The following TBC1D12 variants were observed in gnomAD, a reference collection of about 807,000 sequenced individuals.
TBC1D12 encodes the protein TBC1 domain family member 12.
TBC1D12 carries 56 observed loss-of-function variants against 86.7 expected under a neutral mutation model. The observed-to-expected ratio is 0.65, with a 90% CI of 0.52 to 0.81. TBC1D12 has a LOEUF of 0.81. TBC1D12 is among the 30% of genes least tolerant of loss of function. The pLI is 0.00. For missense variants in TBC1D12, 1,023 were observed against 1,038.8 expected (o/e 0.98, Z 0.21); for synonymous variants, 421 against 411.7 (o/e 1.02, Z -0.27).
chr10:94,522,313 T>G, intron 10 of TBC1D12, 31 bp from the exon 11 acceptor site: 1 of 1,232,810 alleles, frequency 8.1e-7, no homozygotes, highest in South Asian at 1.5e-5. Context: ...ACTATATACT[T>G]TCATAATTTT....
chr10:94,507,189 TA>T, intron 6 of TBC1D12, 77 bp from the exon 7 acceptor site: 1 of 1,419,286 alleles, frequency 7.0e-7, no homozygotes, highest in Non-Finnish European at 9.7e-7. Flanking sequence ...CTGTAATAGG[TA>T]AAGAGTAAAA....
chr10:94,527,449 T>G (rs1280990490), intron 11 of TBC1D12, among the ~76,000 whole-genome samples: 1 of 151,756 alleles, frequency 6.6e-6, no homozygotes, highest in Non-Finnish European at 1.5e-5. Flanking sequence ...TTTTGCCTAT[T>G]AATTTCCTGT....
At chr10:94,425,578 T>C (rs1402833669) in intron 1 of TBC1D12, among the ~76,000 whole-genome samples, 1 of 151,728 alleles carries the variant, frequency 6.6e-6, no homozygotes, top group Non-Finnish European at 1.5e-5. Context: ...GGAGACATCA[T>C]AGAACTCACG....
intron 3 of TBC1D12, among the ~76,000 whole-genome samples, chr10:94,477,294 G>T (rs897415988): frequency 6.6e-6 from 1 of 152,036 alleles, no homozygotes. Flanking sequence ...TTTTGGTGGG[G>T]GGACGTTATT....
At chr10:94,467,033 G>A (rs2055834997) in intron 2 of TBC1D12, among the ~76,000 whole-genome samples, 1 of 151,722 alleles carries the variant, frequency 6.6e-6, no homozygotes, top group Non-Finnish European at 1.5e-5. Context: ...GTGGGTTTAT[G>A]GTTTTCTGGG....
intron 2 of TBC1D12, among the ~76,000 whole-genome samples, chr10:94,444,892 T>C (rs1181747074): frequency 1.3e-5 from 2 of 150,794 alleles, no homozygotes; most frequent in East Asian, 2.0e-4. Context: ...CCGCCACGCC[T>C]GGCTAATTTT....
At position 94,533,314 on chromosome 10, in the gene TBC1D12, C is replaced by T. The variant is rs1842475970; in HGVS notation, c.*218C>T. Reference sequence around the variant, plus strand: ...TTATTTTGTAGGTAGAGTCATTTTTCAAAGGAAAAAGTTTAAGTGGTGAGT... The same window carrying T: ...TTATTTTGTAGGTAGAGTCATTTTTTAAAGGAAAAAGTTTAAGTGGTGAGT... On this transcript the variant is annotated 3_prime_UTR_variant, in exon 13 of 13. Transcript: ENST00000225235. The T allele has an allele frequency of 3.0e-6, 1 of 329,638 alleles. No individual in the cohort carries two copies. Among genetic ancestry groups the T allele is most frequent in the Non-Finnish European group, 5.4e-6 (1 of 184,230 alleles). 20.4% of individuals were successfully genotyped at this position (329,638 alleles called of 1,614,324 possible).
At chr10:94,469,559 C>T (rs919099505) in intron 2 of TBC1D12, among the ~76,000 whole-genome samples, 1 of 147,756 alleles carries the variant, frequency 6.8e-6, no homozygotes, top group Non-Finnish European at 1.5e-5. Context: ...AAGTGATTCT[C>T]CTGCCTCAAC....
At chr10:94,421,524 G>A (rs2134062871) in intron 1 of TBC1D12, among the ~76,000 whole-genome samples, 1 of 152,224 alleles carries the variant, frequency 6.6e-6, no homozygotes, top group Non-Finnish European at 1.5e-5. Context: ...CCTGAGCACT[G>A]GTTTTTAATT....
Position 94,402,799 on chromosome 10 carries a change from G to C in TBC1D12, c.186G>C (p.Glu62Asp). 6.5e-7 allele frequency: 1 copy of C among 1,544,154 alleles called. No homozygotes were observed. Among genetic ancestry groups the C allele is most frequent in the Non-Finnish European group, 8.7e-7 (1 of 1,144,182 alleles). Residue 62 changes from glutamate to aspartate, a missense_variant, in exon 1 of 13, where the codon GAG becomes GAC. By Grantham distance (45) the Glu-to-Asp change is conservative. Coordinates refer to ENST00000225235, the MANE Select transcript of TBC1D12 (RefSeq NM_015188.2). ...ADEEEEADEEEETPPRQLLQR... is the reference protein window; with the variant it reads ...ADEEEEADEEDETPPRQLLQR... Reference sequence around the variant, plus strand: ...AGGAGGAGGAGGCTGACGAGGAGGAGGAGACGCCGCCTCGGCAGCTCCTTC... The same window carrying C: ...AGGAGGAGGAGGCTGACGAGGAGGACGAGACGCCGCCTCGGCAGCTCCTTC...
intron 4 of TBC1D12, among the ~76,000 whole-genome samples, chr10:94,494,455 G>A (rs1216869199): frequency 6.6e-6 from 1 of 152,168 alleles, no homozygotes; most frequent in African/African-American, 2.4e-5. Flanking sequence ...TATTGTTCTA[G>A]AAGGTATTTA....
chr10:94,429,113 T>C (rs1301013047), intron 1 of TBC1D12, among the ~76,000 whole-genome samples: 2 of 151,998 alleles, frequency 1.3e-5, no homozygotes, highest in Non-Finnish European at 2.9e-5. Context: ...ACGGATATTT[T>C]CTAAGGTCCC....
chr10:94,448,716 T>C (rs2134101107), intron 2 of TBC1D12, among the ~76,000 whole-genome samples: 1 of 152,198 alleles, frequency 6.6e-6, no homozygotes, highest in African/African-American at 2.4e-5. Flanking sequence ...TGGGCTTAAG[T>C]TATCCTCCTG....
chr10:94,438,769 A>C (rs2055339194), intron 1 of TBC1D12, among the ~76,000 whole-genome samples: 1 of 151,618 alleles, frequency 6.6e-6, no homozygotes, highest in Non-Finnish European at 1.5e-5. Context: ...AGTTCTACTA[A>C]AGTACTTGAT....
intron 3 of TBC1D12, among the ~76,000 whole-genome samples, chr10:94,491,323 A>T (rs187160837): frequency 3.3e-4 from 50 of 152,348 alleles, no homozygotes; most frequent in Non-Finnish European, 6.2e-4. Context: ...TTATAATTTG[A>T]AAATTTGTCA....
chr10:94,503,587 C>A (rs1208789023), intron 6 of TBC1D12, among the ~76,000 whole-genome samples: 2 of 152,040 alleles, frequency 1.3e-5, no homozygotes, highest in East Asian at 3.8e-4. Flanking sequence ...TTTCACAAGT[C>A]TCCTGTAATA....
intron 1 of TBC1D12, among the ~76,000 whole-genome samples, chr10:94,434,599 T>C (rs990461702): frequency 1.3e-5 from 2 of 151,462 alleles, no homozygotes; most frequent in African/African-American, 4.9e-5. Context: ...TAGGATTACA[T>C]GATGTAATAA....
At chr10:94,510,765 A>G (rs766316322) in intron 8 of TBC1D12, among the ~76,000 whole-genome samples, 3 of 152,052 alleles carry the variant, frequency 2.0e-5, no homozygotes, top group Non-Finnish European at 4.4e-5. Flanking sequence ...AGCCTCCTGC[A>G]TAGCTGGGAT....
chr10:94,405,373 G>C (rs2054840403), intron 1 of TBC1D12, among the ~76,000 whole-genome samples: 1 of 151,892 alleles, frequency 6.6e-6, no homozygotes, highest in East Asian at 1.9e-4. Context: ...TTTTTTGCTT[G>C]TATAAATTTA....
Sources: allele counts gnomAD v4.1 joint callset (sites outside exome capture counted in the v4.1 genomes callset), GRCh38; gene constraint gnomAD v4.1.1; transcripts MANE v1.5; gene names NCBI Gene and HGNC (gene_info 2026-07-23, HGNC 2026-07-21).